Variants in MED27 observed in about 807,000 individuals in gnomAD.
MED27 encodes mediator of RNA polymerase II transcription subunit 27.
Under a neutral mutation model 38.2 loss-of-function variants are expected in MED27, and 30 were observed. That is an observed-to-expected ratio of 0.79 (90% CI 0.59 to 1.07). The LOEUF (loss-of-function observed/expected upper bound fraction) is 1.07. Ranked by LOEUF, MED27 falls within the 50% of genes least tolerant of loss-of-function variation. The pLI, the probability that MED27 is intolerant of heterozygous loss-of-function variation, is 0.00. For synonymous variants in MED27, 122 were observed against 153.5 expected, an observed-to-expected ratio of 0.79 and a Z score of 1.52; for missense variants, 289 against 397.5, an observed-to-expected ratio of 0.73 and a Z score of 2.32.
At chr9:131,961,205 T>C (rs1273454916) in intron 3 of MED27, among the ~76,000 whole-genome samples, 1 of 152,198 alleles carries the variant, frequency 6.6e-6, no homozygotes, top group Non-Finnish European at 1.5e-5. Context: ...GTCTTGACAC[T>C]GAAACCCATC....
intron 4 of MED27, among the ~76,000 whole-genome samples, chr9:131,899,679 C>T (rs1014577066): frequency 2.9e-4 from 44 of 152,292 alleles, no homozygotes; most frequent in African/African-American, 8.7e-4. Flanking sequence ...GGAAGGGTAA[C>T]GTAACAGGAG....
chr9:131,864,259 A>C (rs1180361068), intron 6 of MED27, among the ~76,000 whole-genome samples: 1 of 151,972 alleles, frequency 6.6e-6, no homozygotes, highest in Non-Finnish European at 1.5e-5. Flanking sequence ...GTCAGGGGGG[A>C]TCACTTGGGC....
chr9:131,891,137 G>A (rs1839222192), intron 5 of MED27, among the ~76,000 whole-genome samples: 1 of 152,180 alleles, frequency 6.6e-6, no homozygotes, highest in Admixed American at 6.5e-5. Context: ...AAGGAAGATG[G>A]CATTCAGCCA....
intron 3 of MED27, among the ~76,000 whole-genome samples, chr9:131,966,724 T>G (rs935297256): frequency 1.3e-5 from 2 of 152,180 alleles, no homozygotes; most frequent in Admixed American, 1.3e-4. Context: ...GTGCCCAAGT[T>G]CAAGTCCTTG....
At chr9:131,958,015 A>T (rs1831140362) in intron 3 of MED27, among the ~76,000 whole-genome samples, 2 of 152,074 alleles carry the variant, frequency 1.3e-5, no homozygotes, top group Admixed American at 6.5e-5. Context: ...TGGAGCATGA[A>T]GAAATTTCTG....
At chr9:131,925,484 T>G (rs1370733622) in intron 4 of MED27, among the ~76,000 whole-genome samples, 1 of 152,170 alleles carries the variant, frequency 6.6e-6, no homozygotes, top group East Asian at 1.9e-4. Context: ...GACCATTGAT[T>G]GAAAAATGGA....
At chr9:131,871,701 C>A (rs1433644801) in intron 6 of MED27, among the ~76,000 whole-genome samples, 1 of 152,090 alleles carries the variant, frequency 6.6e-6, no homozygotes, top group East Asian at 1.9e-4. Context: ...AGACACACAC[C>A]CCCACGCCTG....
At chr9:132,007,264 G>C (rs1179956921) in intron 3 of MED27, among the ~76,000 whole-genome samples, 1 of 152,120 alleles carries the variant, frequency 6.6e-6, no homozygotes. Context: ...CGCAAAGTGA[G>C]GACTCTCTCT....
At chr9:131,989,557 A>C (rs1364311606) in intron 3 of MED27, among the ~76,000 whole-genome samples, 2 of 152,304 alleles carry the variant, frequency 1.3e-5, no homozygotes, top group East Asian at 3.9e-4. Context: ...CACATAAAAC[A>C]GTTACCATCT....
intron 3 of MED27, among the ~76,000 whole-genome samples, chr9:131,986,360 T>A (rs1831849857): frequency 6.6e-6 from 1 of 152,148 alleles, no homozygotes; most frequent in South Asian, 2.1e-4. Context: ...TTGGTTTGTT[T>A]GTTATAGAGG....
intron 4 of MED27, among the ~76,000 whole-genome samples, chr9:131,910,449 A>C (rs908564389): frequency 2.0e-5 from 3 of 152,220 alleles, no homozygotes; most frequent in African/African-American, 4.8e-5. Flanking sequence ...ACAGCAGCAA[A>C]TTATGTAAAA....
chr9:131,959,056 T>C (rs1480277996), intron 3 of MED27, among the ~76,000 whole-genome samples: 1 of 152,190 alleles, frequency 6.6e-6, no homozygotes, highest in Non-Finnish European at 1.5e-5. Flanking sequence ...CTCAAAACAA[T>C]TTTTGGATAG....
At chr9:131,863,398 G>A (rs1239611029) in intron 6 of MED27, among the ~76,000 whole-genome samples, 1 of 152,210 alleles carries the variant, frequency 6.6e-6, no homozygotes, top group Admixed American at 6.5e-5. Context: ...CGGAAAGCCT[G>A]GCCAGGCTGG....
chr9:131,945,546 T>C (rs192090166), intron 3 of MED27, among the ~76,000 whole-genome samples: 22 of 152,266 alleles, frequency 1.4e-4, no homozygotes, highest in African/African-American at 4.8e-4. Flanking sequence ...TTTATTCCTC[T>C]TACCTACTTG....
At chr9:131,927,347 G>A (rs1274172937) in intron 4 of MED27, among the ~76,000 whole-genome samples, 1 of 152,204 alleles carries the variant, frequency 6.6e-6, no homozygotes, top group Admixed American at 6.5e-5. Flanking sequence ...GAGAAGTTAA[G>A]CCAGTAACTG....
chr9:131,965,501 GTTCTT>G (rs1346839908), intron 3 of MED27, among the ~76,000 whole-genome samples: 2 of 152,168 alleles, frequency 1.3e-5, no homozygotes, highest in Non-Finnish European at 2.9e-5. Context: ...TTTCAAATCT[GTTCTT>G]TTCAAGTTGA....
chr9:132,017,036 A>G (rs1330101287), intron 2 of MED27, among the ~76,000 whole-genome samples: 1 of 152,194 alleles, frequency 6.6e-6, no homozygotes, highest in Non-Finnish European at 1.5e-5. Context: ...ACTCATAAGG[A>G]TTAAGCAGCA....
intron 3 of MED27, among the ~76,000 whole-genome samples, chr9:132,012,834 T>C (rs1832513044): frequency 6.6e-6 from 1 of 152,180 alleles, no homozygotes. Flanking sequence ...GATGGGACAA[T>C]GTCTGTCCTG....
intron 4 of MED27, among the ~76,000 whole-genome samples, chr9:131,929,798 C>A (rs1355762150): frequency 6.6e-6 from 1 of 152,188 alleles, no homozygotes; most frequent in Middle Eastern, 3.2e-3. Flanking sequence ...GTGAACCCAC[C>A]TGGGACCTAG....
Sources: gnomAD v4.1 joint callset for allele counts (sites outside exome capture counted in the v4.1 genomes callset) on GRCh38, gnomAD v4.1.1 for gene constraint, MANE v1.5 for transcripts, NCBI Gene and HGNC (gene_info 2026-07-23, HGNC 2026-07-21) for gene names.